Variants in SASH1 observed in about 807,000 individuals in gnomAD.
The protein encoded by SASH1 is SAM and SH3 domain-containing protein 1.
In SASH1, 44 loss-of-function variants were observed where a neutral mutation model predicts 125.2. That is an observed-to-expected ratio of 0.35 (90% CI 0.28 to 0.45). The LOEUF is 0.45. Among genes scored for constraint, SASH1 ranks in the 20% least tolerant of loss-of-function variants. The pLI is 1.00. For missense variants in SASH1, 1,426 were observed against 1,614.5 expected, an observed-to-expected ratio of 0.88 and a Z score of 2.00; for synonymous variants, 639 against 649.1, an observed-to-expected ratio of 0.98 and a Z score of 0.24.
intron 1 of SASH1, among the ~76,000 whole-genome samples, chr6:148,311,188 C>T (rs1369986761): frequency 1.3e-5 from 2 of 151,752 alleles, no homozygotes; most frequent in African/African-American, 4.8e-5. Context: ...CTCACTGCAA[C>T]ATCTGCCTCC....
chr6:148,307,027 T>TCTTC (rs1491418320), intron 1 of SASH1, among the ~76,000 whole-genome samples: 3 of 18,768 alleles, frequency 1.6e-4, no homozygotes, highest in African/African-American at 3.1e-4. Flanking sequence ...CTCTTTCTTT[T>TCTTC]CTTTCTTTCT....
At chr6:148,261,639 G>T in the SASH1 span, among the ~76,000 whole-genome samples, 1 of 152,112 alleles carries the variant, frequency 6.6e-6, no homozygotes, top group African/African-American at 2.4e-5. Context: ...CGCCACCAGG[G>T]GACTGCTGCC....
intron 1 of SASH1, among the ~76,000 whole-genome samples, chr6:148,324,137 C>A (rs75663645): frequency 0.12 from 4,660 of 38,812 alleles, 61 homozygotes; most frequent in Middle Eastern, 0.19. Context: ...AAAAAAAAAA[C>A]AAGCATAAGT....
In SASH1 at chr6:148,353,574, A is replaced by G. The variant is rs554565687; in HGVS notation, c.156+10351A>G. Among the ~76,000 whole-genome samples the G allele has an allele frequency of 7.3e-3, 1,098 of 151,160 alleles. 11 individuals are homozygous for G. Among genetic ancestry groups the G allele is most frequent in the African/African-American group, 0.025 (1,012 of 41,124 alleles). On this transcript the variant is annotated intron_variant, in intron 1 of 19. Coordinates refer to ENST00000367467, the MANE Select transcript of SASH1 (RefSeq NM_015278.5). ...CTCAGCCTCCTGAGTAGCTGGGATTACAGGCATGCACCACCACACCTGGCT... is the reference window on the plus strand; with the variant it reads ...CTCAGCCTCCTGAGTAGCTGGGATTGCAGGCATGCACCACCACACCTGGCT...
chr6:148,417,780 A>T (rs1784888275), intron 2 of SASH1, among the ~76,000 whole-genome samples: 1 of 152,078 alleles, frequency 6.6e-6, no homozygotes, highest in South Asian at 2.1e-4. Flanking sequence ...TTTTCAGATT[A>T]CACGTAACGA....
rs770344459 is a variant in SASH1 at position 148,281,423 on chromosome 6, C to T, written n.74+9046C>T. Among the ~76,000 whole-genome samples, 75 of 152,102 alleles carry T rather than the reference C, an allele frequency of 4.9e-4. 1 individual carries two copies. Among genetic ancestry groups the T allele is most frequent in the Non-Finnish European group, 7.4e-5 (5 of 68,014 alleles). On this transcript the variant is annotated intron_variant and non_coding_transcript_variant, in intron 1 of 3. Transcript: ENST00000367469. Reference sequence around the variant, plus strand: ...ACCTACACCCCTTATCTGCAAGCTCCTGGAGGATATGCTCCACTAAAACAA... The same window carrying T: ...ACCTACACCCCTTATCTGCAAGCTCTTGGAGGATATGCTCCACTAAAACAA...
At chr6:148,338,209 A>C (rs1781218292), upstream of SASH1, among the ~76,000 whole-genome samples, 1 of 151,992 alleles carries the variant, frequency 6.6e-6, no homozygotes, top group South Asian at 2.1e-4. Flanking sequence ...GATCACTCGA[A>C]CTCGGTCAGG....
chr6:148,335,734 AC>A (rs904126834), intron 1 of SASH1, among the ~76,000 whole-genome samples: 7 of 152,260 alleles, frequency 4.6e-5, no homozygotes, highest in South Asian at 2.1e-4. Context: ...ATAAATGATG[AC>A]AGCGATGGTT....
chr6:148,235,426 A>G, the SASH1 span, among the ~76,000 whole-genome samples: 4 of 152,226 alleles, frequency 2.6e-5, no homozygotes, highest in Non-Finnish European at 5.9e-5. Context: ...CTACTCAATC[A>G]TGGAGGCATA....
chr6:148,460,689 T>C (rs9399650), intron 4 of SASH1, among the ~76,000 whole-genome samples: 45,419 of 151,984 alleles, frequency 0.3, 7,633 homozygotes, highest in East Asian at 0.71. Flanking sequence ...AGGAAGACAA[T>C]AGGATATAAT....
intron 1 of SASH1, among the ~76,000 whole-genome samples, chr6:148,355,335 C>A (rs919770209): frequency 9.2e-5 from 14 of 152,158 alleles, no homozygotes; most frequent in Non-Finnish European, 1.8e-4. Context: ...ACATGTGACG[C>A]CCAGGTGGTG....
intron 8 of SASH1, among the ~76,000 whole-genome samples, chr6:148,490,742 G>A (rs1018651997): frequency 6.6e-5 from 10 of 152,032 alleles, no homozygotes; most frequent in African/African-American, 1.2e-4. Context: ...TTTTGAAAAC[G>A]CTGATGGTTT....
Position 148,527,498 on chromosome 6 carries a change from A to G in SASH1, c.1330A>G (p.Thr444Ala), listed in dbSNP as rs1205268772. The change falls in exon 12 of 20, where the codon ACT becomes GCT. Residue 444 changes from threonine (T) to alanine (A), a missense_variant. Thr to Ala is a moderately conservative substitution (Grantham distance 58). Around this residue, in one of 3 missense-constraint regions of SASH1, gnomAD observed 567 missense variants for 575.6 expected, o/e 0.99. Coordinates refer to ENST00000367467, the MANE Select transcript of SASH1 (RefSeq NM_015278.5). Reference sequence around the variant, plus strand: ...GTACAAAGAAGTCATCAAATCACCTACTGCCTCTCGCATCTCTCTTGGGAA... The same window carrying G: ...GTACAAAGAAGTCATCAAATCACCTGCTGCCTCTCGCATCTCTCTTGGGAA... ...FVYKEVIKSP[T>A]ASRISLGKKV... 1.2e-6 allele frequency: 2 copies of G among 1,610,226 alleles called. No homozygotes were observed. The highest frequency in any genetic ancestry group is 1.7e-5 in the Admixed American group (1 of 59,068).
chr6:148,374,634 A>C (rs1782819015), intron 1 of SASH1, among the ~76,000 whole-genome samples: 1 of 151,692 alleles, frequency 6.6e-6, no homozygotes, highest in South Asian at 2.1e-4. Context: ...TCTCACTCTT[A>C]ACTTCCAAGA....
intron 9 of SASH1, among the ~76,000 whole-genome samples, chr6:148,516,308 G>A (rs1562474577): frequency 6.6e-6 from 1 of 152,134 alleles, no homozygotes; most frequent in Admixed American, 6.5e-5. Flanking sequence ...CCCCAGGTGT[G>A]TGTGTGTAGC....
At chr6:148,215,661 G>A in the SASH1 span, among the ~76,000 whole-genome samples, 1 of 152,048 alleles carries the variant, frequency 6.6e-6, no homozygotes. Flanking sequence ...ATCATAGAAA[G>A]CAACATTGTA....
chr6:148,207,925 A>G, the SASH1 span, among the ~76,000 whole-genome samples: 1 of 152,196 alleles, frequency 6.6e-6, no homozygotes, highest in African/African-American at 2.4e-5. Flanking sequence ...AATTAAATTC[A>G]TGACAAAACC....
the SASH1 span, among the ~76,000 whole-genome samples, chr6:148,233,913 C>CA: frequency 5.3e-3 from 607 of 114,420 alleles, 3 homozygotes; most frequent in East Asian, 0.046. Context: ...ACTCTGTTTC[C>CA]AAAAAAAAAA....
At chr6:148,437,349 G>A (rs537883388) in intron 2 of SASH1, among the ~76,000 whole-genome samples, 16 of 152,030 alleles carry the variant, frequency 1.1e-4, no homozygotes, top group South Asian at 2.1e-4. Context: ...TCTTATCCTC[G>A]GGGGATAAAA....
Sources: allele counts gnomAD v4.1 joint callset (sites outside exome capture counted in the v4.1 genomes callset), GRCh38; gene constraint gnomAD v4.1.1; regional missense constraint gnomAD v4.1.1; transcripts MANE v1.5; gene names NCBI Gene and HGNC (gene_info 2026-07-23, HGNC 2026-07-21).